TMEM92: variants seen among roughly 807,000 people sequenced by gnomAD.
The protein encoded by TMEM92 is transmembrane protein 92.
Under a neutral mutation model 14.6 loss-of-function variants are expected in TMEM92, and 15 were observed. The observed-to-expected ratio is 1.03, with a 90% CI of 0.69 to 1.58. The LOEUF is 1.58. TMEM92 is among the 40% of genes most tolerant of loss of function. The probability of loss-of-function intolerance (pLI) is 0.00; values close to 1 mark genes in which losing one functional copy is unlikely to be tolerated. For missense variants in TMEM92, 174 were observed against 202.4 expected (o/e 0.86, Z 0.85); for synonymous variants, 85 against 83.3 (o/e 1.02, Z -0.11).
upstream of TMEM92, chr17:50,274,359 C>CCAGCCCCTCCCTGCCCCGAGT (rs1910349929): frequency 2.5e-6 from 2 of 785,546 alleles, no homozygotes; most frequent in African/African-American, 3.4e-5. Flanking sequence ...CTTCCTCCTC[C>CCAGCCCCTCCCTGCCCCGAGT]CAGCCCCTCC....
At chr17:50,279,079 C>G in intron 4 of TMEM92, 83 bp downstream of exon 4, 1 of 1,402,422 alleles carries the variant, frequency 7.1e-7, no homozygotes, top group Non-Finnish European at 1.0e-6. Flanking sequence ...TCCTGGAGGG[C>G]ACTCTGCACC....
upstream of TMEM92, chr17:50,271,531 G>GTTTGCAGAGACAGGGTCT (rs1377384781): frequency 6.6e-6 from 1 of 151,966 alleles, no homozygotes; most frequent in Admixed American, 6.6e-5. Context: ...TGTTTTCTTT[G>GTTTGCAGAGACAGGGTCT]TTTGCAGAGA....
chr17:50,274,407 C>A, upstream of TMEM92: 1 of 1,313,548 alleles, frequency 7.6e-7, no homozygotes, highest in Non-Finnish European at 1.1e-6. Context: ...AGCTCCGCCC[C>A]CATCCCGAGG....
upstream of TMEM92, among the ~76,000 whole-genome samples, chr17:50,273,706 C>T (rs939590550): frequency 2.6e-5 from 4 of 152,204 alleles, 1 homozygote; most frequent in East Asian, 7.7e-4. Context: ...TTGGTCAAAA[C>T]ACAATGGGGT....
intron 1 of TMEM92, among the ~76,000 whole-genome samples, chr17:50,275,352 A>G (rs1382469968): frequency 6.6e-6 from 1 of 152,040 alleles, no homozygotes; most frequent in African/African-American, 2.4e-5. Flanking sequence ...ATCTGGGCTG[A>G]GCTTTCAGAG....
At position 50,278,224 on chromosome 17, in the gene TMEM92, C is replaced by G. The variant is rs565180463; in HGVS notation, c.96-332C>G. Reference sequence around the variant, plus strand: ...TGGACATGCCACGTGGCCTCTTTCCCCGCACCTCCTTAGAGTTGGATGAGG... The same window carrying G: ...TGGACATGCCACGTGGCCTCTTTCCGCGCACCTCCTTAGAGTTGGATGAGG... On this transcript the variant is annotated intron_variant, in intron 2 of 4. Transcript: ENST00000507382. Among the ~76,000 whole-genome samples the G allele has an allele frequency of 2.0e-5, 3 of 152,324 alleles. No individual in the cohort carries two copies. In the South Asian group the frequency reaches 6.2e-4, roughly 32 times the overall value.
At chr17:50,273,286 TC>T (rs1340130667), upstream of TMEM92, among the ~76,000 whole-genome samples, 3 of 151,918 alleles carry the variant, frequency 2.0e-5, no homozygotes, top group Non-Finnish European at 2.9e-5. Context: ...GCCGCGCCCC[TC>T]CCGGCTCCCG....
upstream of TMEM92, chr17:50,274,399 C>A: frequency 8.2e-7 from 1 of 1,226,472 alleles, no homozygotes; most frequent in Non-Finnish European, 1.2e-6. Flanking sequence ...CCCGGTGCAG[C>A]TCCGCCCCCA....
chr17:50,276,621 C>T (rs977357469), intron 1 of TMEM92, among the ~76,000 whole-genome samples: 7 of 152,146 alleles, frequency 4.6e-5, no homozygotes, highest in Admixed American at 4.6e-4. Context: ...GAGAGATGCC[C>T]TTCCCCACCA....
chr17:50,278,737 G>C (rs1340394957), intron 3 of TMEM92, 64 bp from the exon 4 acceptor site: 1 of 1,566,002 alleles, frequency 6.4e-7, no homozygotes, highest in Non-Finnish European at 8.6e-7. Flanking sequence ...CGGGAGCGGG[G>C]AGATGTAGGG....
At chr17:50,275,255 A>T (rs977691371) in intron 1 of TMEM92, among the ~76,000 whole-genome samples, 2 of 151,916 alleles carry the variant, frequency 1.3e-5, no homozygotes, top group Non-Finnish European at 2.9e-5. Flanking sequence ...GGTCTAGAAC[A>T]TGCATTTGTG....
Position 50,278,616 on chromosome 17 carries a change from C to T in TMEM92, c.156C>T (p.Phe52=). ...GDSCCQENEL[F]PGPVRIFVII... Reference sequence around the variant, plus strand: ...GCTGCTGCCAGGAGAACGAGCTCTTCCCTGGCCCCGTGAGGTGAGCCCAGG... The same window carrying T: ...GCTGCTGCCAGGAGAACGAGCTCTTTCCTGGCCCCGTGAGGTGAGCCCAGG... The change falls in exon 3 of 5, where the codon TTC becomes TTT. Residue 52 remains phenylalanine (F), a synonymous_variant. Transcript: ENST00000507382. 2 of 1,613,930 alleles carry T rather than the reference C, an allele frequency of 1.2e-6. No individual in the cohort carries two copies. The highest frequency in any genetic ancestry group is 1.7e-6 in the Non-Finnish European group (2 of 1,179,964).
At chr17:50,278,407 C>A (rs1261559570) in intron 2 of TMEM92, 149 bp from the exon 3 acceptor site, 4 of 793,968 alleles carry the variant, frequency 5.0e-6, no homozygotes, top group Non-Finnish European at 8.0e-6. Context: ...TCCTACTGAG[C>A]TCAGAGCGGG....
At chr17:50,276,193 G>A (rs1357206106) in intron 1 of TMEM92, among the ~76,000 whole-genome samples, 1 of 152,146 alleles carries the variant, frequency 6.6e-6, no homozygotes, top group Non-Finnish European at 1.5e-5. Flanking sequence ...TGTTGGCCAG[G>A]TTGGTCTTAA....
upstream of TMEM92, among the ~76,000 whole-genome samples, chr17:50,273,965 T>G (rs1025584927): frequency 3.9e-5 from 5 of 128,134 alleles, no homozygotes; most frequent in Non-Finnish European, 8.7e-5. Flanking sequence ...CTTTTTAAAT[T>G]TAGGTTATTT....
At chr17:50,277,775 G>A (rs775946286) in intron 2 of TMEM92, 35 bp downstream of exon 2, 1 of 1,613,740 alleles carries the variant, frequency 6.2e-7, no homozygotes, top group South Asian at 1.1e-5. Context: ...AATCTGGGGA[G>A]CGGGGAGGAG....
In TMEM92 at chr17:50,279,192, C is replaced by A; in HGVS notation, c.367-3C>A. On this transcript the variant is annotated splice_region_variant and splice_polypyrimidine_tract_variant and intron_variant, in intron 4 of 4. Transcript: ENST00000507382. ...AAGACTGAATTCTCTCTTTTCCCTG[C>A]AGGTGATTCTGAAGCCCAGCCTGGG... The A allele has an allele frequency of 6.2e-7, 1 of 1,613,014 alleles. No homozygotes were observed. The highest frequency in any genetic ancestry group is 1.3e-5 in the African/African-American group (1 of 75,026).
At chr17:50,271,935 G>A (rs1164436470), upstream of TMEM92, among the ~76,000 whole-genome samples, 1 of 152,152 alleles carries the variant, frequency 6.6e-6, no homozygotes, top group Non-Finnish European at 1.5e-5. Flanking sequence ...AGCTACTTGG[G>A]AGGCTGAAGC....
intron 1 of TMEM92, among the ~76,000 whole-genome samples, chr17:50,276,727 T>C (rs1183124526): frequency 3.3e-5 from 5 of 152,180 alleles, no homozygotes; most frequent in African/African-American, 1.2e-4. Context: ...GCACGTTCAT[T>C]CATTCTGCAA....
Sources: gnomAD v4.1 joint callset for allele counts (sites outside exome capture counted in the v4.1 genomes callset) on GRCh38, gnomAD v4.1.1 for gene constraint, MANE v1.5 for transcripts, NCBI Gene and HGNC (gene_info 2026-07-23, HGNC 2026-07-21) for gene names.